Variants in C3orf49 observed in about 807,000 individuals in gnomAD.
C3orf49 encodes the protein chromosome 3 open reading frame 49, also known as putative uncharacterized protein C3orf49.
Under a neutral mutation model 13.3 loss-of-function variants are expected in C3orf49, and 27 were observed. The ratio of observed to expected loss-of-function variants is 2.02; its 90% confidence interval spans 1.49 to 2.79. C3orf49 has a LOEUF of 2.79. C3orf49 is among the 30% of genes most tolerant of loss of function. The pLI is 0.00. For synonymous variants in C3orf49, 87 were observed against 47.6 expected (o/e 1.83, Z -3.40); for missense variants, 242 against 134.2 (o/e 1.80, Z -3.97).
At chr3:63,790,395 A>T in the C3orf49 span, among the ~76,000 whole-genome samples, 1 of 152,178 alleles carries the variant, frequency 6.6e-6, no homozygotes, top group African/African-American at 2.4e-5. Flanking sequence ...ATGTACTCTG[A>T]ATCTGGTTCT....
chr3:63,831,696 A>G lies in C3orf49; in HGVS notation c.701A>G (p.Glu234Gly), dbSNP rs1331871122. The G allele has an allele frequency of 1.4e-6, 1 of 703,146 alleles. No individual in the cohort carries two copies. 43.6% of individuals were successfully genotyped at this position (703,146 alleles called of 1,614,324 possible). The change falls in exon 5 of 7, where the codon GAA (glutamate) becomes GGA (glycine). Residue 234 changes from glutamate (E) to glycine (G), a missense_variant. Physicochemically the swap from Glu to Gly is moderately conservative, Grantham distance 98. Transcript: ENST00000295896. ...CTGTCATAGGTGGATGACCTCATAG[A>G]AACAGTGACTGATAAATCCATGAAG... ...KLQMQVDDLI[E>G]TVTDKSMKLL...
the C3orf49 span, among the ~76,000 whole-genome samples, chr3:63,793,065 G>A: frequency 6.6e-6 from 1 of 152,026 alleles, no homozygotes; most frequent in Non-Finnish European, 1.5e-5. Context: ...CCTTTCACAC[G>A]CTCTCCTTCT....
chr3:63,831,375 G>A (rs1053970226), intron 4 of C3orf49, among the ~76,000 whole-genome samples, 152 bp downstream of exon 4: 2 of 152,148 alleles, frequency 1.3e-5, no homozygotes, highest in Admixed American at 6.5e-5. Context: ...TTCTGAAAGT[G>A]GCTAAAGGAT....
At position 63,834,108 on chromosome 3, in the gene C3orf49, G is replaced by A. The variant is rs774324708; in HGVS notation, c.849+2264G>A. ...GTCATGTAGCTATTTCAATATTCCT[G>A]GGAGTGGTGGGCAATTAGCCTGTCT... On this transcript the variant is annotated intron_variant, in intron 5 of 6. Coordinates refer to ENST00000295896, the MANE Select transcript of C3orf49 (RefSeq NM_001355236.2). 1.1e-5 allele frequency: 17 copies of A among 1,612,110 alleles called. No homozygotes were observed. In the South Asian group the frequency reaches 1.9e-4, roughly 18 times the overall value.
intron 5 of C3orf49, among the ~76,000 whole-genome samples, chr3:63,844,697 T>G (rs1701848820): frequency 6.6e-6 from 1 of 152,180 alleles, no homozygotes; most frequent in Non-Finnish European, 1.5e-5. Flanking sequence ...ATTTCTTTTC[T>G]CCATCTCACA....
upstream of C3orf49, among the ~76,000 whole-genome samples, chr3:63,818,040 A>G (rs549658042): frequency 6.6e-6 from 1 of 152,304 alleles, no homozygotes; most frequent in African/African-American, 2.4e-5. Flanking sequence ...CAGACCAGGG[A>G]GGAGCATATG....
At chr3:63,794,120 A>G in the C3orf49 span, among the ~76,000 whole-genome samples, 1 of 151,838 alleles carries the variant, frequency 6.6e-6, no homozygotes, top group Non-Finnish European at 1.5e-5. Context: ...ATGCCACTGC[A>G]TTCCAGCCTG....
chr3:63,797,720 A>C, the C3orf49 span, among the ~76,000 whole-genome samples: 2 of 152,162 alleles, frequency 1.3e-5, no homozygotes, highest in African/African-American at 4.8e-5. Context: ...AAGGCGTCCA[A>C]GAAAAGTTTT....
chr3:63,811,310 G>A, the C3orf49 span, among the ~76,000 whole-genome samples: 1 of 151,008 alleles, frequency 6.6e-6, no homozygotes, highest in African/African-American at 2.4e-5. Context: ...TGTAATCCCA[G>A]CACTTTGGGA....
the C3orf49 span, among the ~76,000 whole-genome samples, chr3:63,813,598 T>G: frequency 1.9e-4 from 29 of 152,368 alleles, no homozygotes; most frequent in Admixed American, 5.9e-4. Flanking sequence ...TGTTGGCTCT[T>G]CGAAGACACT....
the C3orf49 span, among the ~76,000 whole-genome samples, chr3:63,789,136 T>C: frequency 1.3e-5 from 2 of 152,120 alleles, no homozygotes; most frequent in Non-Finnish European, 2.9e-5. Context: ...GCTCTGCCTT[T>C]TGTCAGGTCA....
rs1246526698 is a variant in C3orf49 at position 63,823,361 on chromosome 3, A to G, written c.237A>G (p.Lys79=). Residue 79 remains lysine (K), a synonymous_variant, in exon 2 of 7, where the codon AAA becomes AAG. Transcript: ENST00000295896. The part of the protein sequence containing the change: ...MGFHESQQNQ[K]SNLKTKVKTA... ...TTCATGAAAGCCAGCAAAATCAGAA[A>G]AGTAATTTGAAGACGAAAGTGAAGA... is the stretch of plus-strand genomic sequence containing the variant. 4 of 703,156 alleles carry G rather than the reference A, an allele frequency of 5.7e-6. No homozygotes were observed. The highest frequency in any genetic ancestry group is 1.5e-5 in the South Asian group (1 of 67,606). 43.6% of individuals were successfully genotyped at this position (703,156 alleles called of 1,614,324 possible).
At chr3:63,784,173 C>T in the C3orf49 span, among the ~76,000 whole-genome samples, 2 of 152,054 alleles carry the variant, frequency 1.3e-5, no homozygotes, top group African/African-American at 4.8e-5. Context: ...TTAACTTGTC[C>T]CATGTTAGCT....
chr3:63,837,307 T>A (rs1012099819), intron 5 of C3orf49, among the ~76,000 whole-genome samples: 1 of 151,472 alleles, frequency 6.6e-6, no homozygotes, highest in Non-Finnish European at 1.5e-5. Flanking sequence ...TAGTTTTTCA[T>A]ATCAATGTAA....
the C3orf49 span, among the ~76,000 whole-genome samples, chr3:63,811,030 T>C: frequency 5.5e-4 from 83 of 152,190 alleles, no homozygotes; most frequent in African/African-American, 1.5e-3. Context: ...GTATTTTCAG[T>C]AGAGATGAGA....
the C3orf49 span, chr3:63,784,680 A>C: frequency 6.6e-6 from 1 of 152,186 alleles, no homozygotes; most frequent in East Asian, 1.9e-4. Context: ...AACATGGTGA[A>C]ACCCCATCTC....
At chr3:63,809,907 G>A in the C3orf49 span, among the ~76,000 whole-genome samples, 439 of 152,236 alleles carry the variant, frequency 2.9e-3, 2 homozygotes, top group African/African-American at 9.4e-3. Flanking sequence ...CAGCACTTTG[G>A]GAGGCTGAGT....
At chr3:63,791,169 C>CA in the C3orf49 span, among the ~76,000 whole-genome samples, 1 of 151,976 alleles carries the variant, frequency 6.6e-6, no homozygotes, top group African/African-American at 2.4e-5. Flanking sequence ...GTGCACCACA[C>CA]AAAAATGGCA....
chr3:63,781,909 C>G, the C3orf49 span, among the ~76,000 whole-genome samples: 1 of 152,132 alleles, frequency 6.6e-6, no homozygotes, highest in Non-Finnish European at 1.5e-5. Flanking sequence ...ATTTTACAGA[C>G]ATGGAAATGG....
Sources: allele counts gnomAD v4.1 joint callset (sites outside exome capture counted in the v4.1 genomes callset), GRCh38; gene constraint gnomAD v4.1.1; transcripts MANE v1.5; gene names NCBI Gene and HGNC (gene_info 2026-07-23, HGNC 2026-07-21).